The following MGAM2 variants were observed in gnomAD, a reference collection of about 807,000 sequenced individuals.
MGAM2 encodes the protein probable maltase-glucoamylase 2.
MGAM2 carries 98 observed loss-of-function variants against 96.1 expected under a neutral mutation model. The ratio of observed to expected loss-of-function variants is 1.02; its 90% CI spans 0.87 to 1.21. MGAM2 has a LOEUF of 1.21. Among genes scored for constraint, MGAM2 ranks in the 50% most tolerant of loss-of-function variants. The probability of loss-of-function intolerance (pLI) is 0.00; values close to 1 mark genes in which losing one functional copy is unlikely to be tolerated. For missense variants in MGAM2, 2,055 were observed against 1,182.4 expected, an observed-to-expected ratio of 1.74 and a Z score of -10.82; for synonymous variants, 749 against 414.8, an observed-to-expected ratio of 1.81 and a Z score of -9.79.
chr7:142,189,342 G>A (rs1796797231), intron 36 of MGAM2, 25 bp from the exon 37 acceptor site: 1 of 663,842 alleles, frequency 1.5e-6, no homozygotes, highest in Non-Finnish European at 2.7e-6. Flanking sequence ...TGTTGTTTAG[G>A]AAATAACTCA....
intron 3 of MGAM2, among the ~76,000 whole-genome samples, chr7:142,128,372 C>A (rs1380520988): frequency 1.3e-5 from 2 of 152,148 alleles, no homozygotes; most frequent in African/African-American, 4.8e-5. Context: ...AACCCATTTT[C>A]TGAGGAGAAA....
chr7:142,154,906 A>G, intron 17 of MGAM2, 61 bp downstream of exon 17: 1 of 695,740 alleles, frequency 1.4e-6, no homozygotes, highest in Non-Finnish European at 2.6e-6. Flanking sequence ...TGGCTCTTAA[A>G]GGGGATTTGA....
At chr7:142,185,187 T>C (rs755283663) in intron 34 of MGAM2, 48 bp downstream of exon 34, 45 of 693,832 alleles carry the variant, frequency 6.5e-5, no homozygotes, top group East Asian at 2.7e-5. Flanking sequence ...AACATCTGGA[T>C]ATTTACATTT....
Position 142,124,926 on chromosome 7 carries a change from C to T in MGAM2, c.186+4545C>T, listed in dbSNP as rs187048593. Among the ~76,000 whole-genome samples, 672 of 152,016 alleles carry T rather than the reference C, an allele frequency of 4.4e-3. 4 individuals carry two copies. The highest frequency in any genetic ancestry group is 0.016 in the African/African-American group (643 of 41,480). ...AATCTTAAATTTACTTATTAATTGT[C>T]CTAGTTTGTAGACTCTTGTTTTTTT... On this transcript the variant is annotated intron_variant, in intron 3 of 47. Coordinates refer to ENST00000477922, the MANE Select transcript of MGAM2 (RefSeq NM_001293626.2).
chr7:142,194,417 A>G (rs1289338998), intron 37 of MGAM2, among the ~76,000 whole-genome samples: 4 of 152,014 alleles, frequency 2.6e-5, no homozygotes. Context: ...TCCTGCTTTC[A>G]GTTGGTGACT....
At chr7:142,174,089 G>C (rs1452664985) in intron 31 of MGAM2, among the ~76,000 whole-genome samples, 1 of 152,164 alleles carries the variant, frequency 6.6e-6, no homozygotes, top group Non-Finnish European at 1.5e-5. Context: ...TAGCCCTGTA[G>C]CATAGTTTAA....
intron 37 of MGAM2, among the ~76,000 whole-genome samples, chr7:142,191,183 C>T (rs775174980): frequency 3.3e-4 from 50 of 152,040 alleles, no homozygotes; most frequent in Non-Finnish European, 6.6e-4. Flanking sequence ...ATTCTAAATT[C>T]AAGCTTCTCA....
At chr7:142,205,075 A>G (rs1283386434) in intron 45 of MGAM2, among the ~76,000 whole-genome samples, 3 of 152,172 alleles carry the variant, frequency 2.0e-5, no homozygotes, top group African/African-American at 7.2e-5. Context: ...GCAAGGAATG[A>G]TAATAAAAGG....
In MGAM2 at chr7:142,183,305, T is replaced by C; in HGVS notation, c.3856T>C (p.Phe1286Leu). 1 of 703,564 alleles carries C rather than the reference T, an allele frequency of 1.4e-6. No individual in the cohort carries two copies. Among genetic ancestry groups the C allele is most frequent in the South Asian group, 1.5e-5 (1 of 67,590 alleles). 43.6% of individuals were successfully genotyped at this position (703,564 alleles called of 1,614,324 possible). A position where few individuals can be genotyped will look rare whatever the true frequency, so the allele number is the denominator to read the frequency against. The stretch of plus-strand genomic sequence containing the variant: ...TGGCAATGAGACACAGTATCTCCCA[T>C]TCATTAGAGGACAGGAAAATAACGT... ...ISGNETQYLP[F>L]IRGQENNVFI... is the part of the protein sequence containing the mutation. The change falls in exon 33 of 48, where the codon TTC becomes CTC. Residue 1286 changes from phenylalanine to leucine, a missense_variant. Transcript: ENST00000477922.
At position 142,134,024 on chromosome 7, in the gene MGAM2, C is replaced by T. The variant is rs755106064; in HGVS notation, c.619C>T (p.Leu207=). ...GCCCCTCCAGTTTGCCCAGCAGTAC[C>T]TGCAACTGTCTTTCCGACTGCCCAG... ...IGPLQFAQQY[L]QLSFRLPSAN... Residue 207 remains leucine, a synonymous_variant, in exon 7 of 48, where the codon CTG becomes TTG. Coordinates refer to ENST00000477922, the MANE Select transcript of MGAM2 (RefSeq NM_001293626.2). 2 of 739,322 alleles carry T rather than the reference C, an allele frequency of 2.7e-6. No homozygotes were observed. The highest frequency in any genetic ancestry group is 4.9e-6 in the Non-Finnish European group (2 of 404,280). The allele number at this position is 739,322 out of a possible 1,614,324, so 45.8% of individuals were successfully genotyped here.
chr7:142,207,931 G>C (rs1334438195), intron 45 of MGAM2, among the ~76,000 whole-genome samples: 3 of 152,168 alleles, frequency 2.0e-5, no homozygotes, highest in Non-Finnish European at 4.4e-5. Flanking sequence ...GGAGCACTGT[G>C]GGAGGATGAG....
chr7:142,163,074 A>G (rs1186813971), intron 23 of MGAM2, among the ~76,000 whole-genome samples: 4 of 152,170 alleles, frequency 2.6e-5, no homozygotes, highest in Admixed American at 2.0e-4. Context: ...TTCATTCAGC[A>G]TAGTTCCCTC....
In MGAM2 at chr7:142,197,631, T is replaced by C. The variant is rs1405528410; in HGVS notation, c.4782-13T>C. 2 of 702,898 alleles carry C rather than the reference T, an allele frequency of 2.8e-6. No homozygotes were observed. The highest frequency in any genetic ancestry group is 5.2e-6 in the Non-Finnish European group (2 of 385,010). The allele number at this position is 702,898 out of a possible 1,614,324, so 43.5% of individuals were successfully genotyped here. A position where few individuals can be genotyped will look rare whatever the true frequency, so the allele number is the denominator to read the frequency against. On this transcript the variant is annotated splice_polypyrimidine_tract_variant and intron_variant, in intron 41 of 47. Coordinates refer to ENST00000477922, the MANE Select transcript of MGAM2 (RefSeq NM_001293626.2). The stretch of plus-strand genomic sequence containing the variant: ...AAGAGGATAGGTGAATTTTTCCTGT[T>C]TATTTTTTTAAGGTTTACGGATGAC...
Position 142,131,620 on chromosome 7 carries a change from A to G in MGAM2, c.413A>G (p.His138Arg). The change falls in exon 5 of 48, where the codon CAT (histidine) becomes CGT (arginine). Residue 138 changes from histidine to arginine, a missense_variant. Physicochemically the swap from His to Arg is conservative, Grantham distance 29. Coordinates refer to ENST00000477922, the MANE Select transcript of MGAM2 (RefSeq NM_001293626.2). Reference sequence around the variant, plus strand: ...GAATATCAGACATCCAATCGGTTTCATTTTAAGGTTGGTTTGGGAGTGACT... The same window carrying G: ...GAATATCAGACATCCAATCGGTTTCGTTTTAAGGTTGGTTTGGGAGTGACT... Reference protein sequence around the residue: ...TAEYQTSNRFHFKITDFNNIR... With the variant: ...TAEYQTSNRFRFKITDFNNIR... The G allele has an allele frequency of 2.8e-6, 2 of 703,076 alleles. No homozygotes were observed. The highest frequency in any genetic ancestry group is 5.2e-6 in the Non-Finnish European group (2 of 384,998). The allele number at this position is 703,076 out of a possible 1,614,324, so 43.6% of individuals were successfully genotyped here.
chr7:142,126,904 G>T (rs1268976269), intron 3 of MGAM2, among the ~76,000 whole-genome samples: 1 of 151,326 alleles, frequency 6.6e-6, no homozygotes, highest in Non-Finnish European at 1.5e-5. Context: ...AATATAATAA[G>T]AAGTCCCAAA....
chr7:142,134,046 C>T lies in MGAM2; in HGVS notation c.641C>T (p.Pro214Leu), dbSNP rs745598070. ...TACCTGCAACTGTCTTTCCGACTGC[C>T]CAGTGCCAATGTGTATGGGCTGGGA... is the stretch of plus-strand genomic sequence containing the variant. Reference protein sequence around the residue: ...QQYLQLSFRLPSANVYGLGEH... With the variant: ...QQYLQLSFRLLSANVYGLGEH... Residue 214 changes from proline (P) to leucine (L), a missense_variant, in exon 7 of 48, where the codon CCC (proline) becomes CTC (leucine). Physicochemically the swap from Pro to Leu is moderately conservative, Grantham distance 98. Coordinates refer to ENST00000477922, the MANE Select transcript of MGAM2 (RefSeq NM_001293626.2). 2.6e-6 allele frequency: 2 copies of T among 756,306 alleles called. No individual in the cohort carries two copies. The highest frequency in any genetic ancestry group is 2.7e-5 in the South Asian group (2 of 72,990). 46.8% of individuals were successfully genotyped at this position (756,306 alleles called of 1,614,324 possible).
In MGAM2 at chr7:142,164,821, C is replaced by T. The variant is rs1795984764; in HGVS notation, c.2485-35C>T. On this transcript the variant is annotated intron_variant, in intron 23 of 47. Transcript: ENST00000477922. ...TGGGGATAATAAGGGTCTGAAGTAC[C>T]TGGTTTCCAATCTGACTTTTTTTTC... 4 of 659,546 alleles carry T rather than the reference C, an allele frequency of 6.1e-6. No individual in the cohort carries two copies. In the South Asian group the frequency reaches 6.9e-5, roughly 11 times the overall value. The allele number at this position is 659,546 out of a possible 1,614,324, so 40.9% of individuals were successfully genotyped here. A position where few individuals can be genotyped will look rare whatever the true frequency, so the allele number is the denominator to read the frequency against.
chr7:142,196,820 A>G lies in MGAM2; in HGVS notation c.4632+4A>G. ...CCACAACAACATCGGGACAAGGGTG[A>G]GGCAGTAGTTCGTGCTCCAGGTGTT... On this transcript the variant is annotated splice_donor_region_variant and intron_variant, in intron 40 of 47. Coordinates refer to ENST00000477922, the MANE Select transcript of MGAM2 (RefSeq NM_001293626.2). 2.6e-6 allele frequency: 2 copies of G among 777,084 alleles called. No individual in the cohort carries two copies. The highest frequency in any genetic ancestry group is 4.8e-6 in the Non-Finnish European group (2 of 417,106). The allele number at this position is 777,084 out of a possible 1,614,324, so 48.1% of individuals were successfully genotyped here.
At chr7:142,213,545 C>G (rs1442848662) in intron 46 of MGAM2, among the ~76,000 whole-genome samples, 1 of 84,788 alleles carries the variant, frequency 1.2e-5, no homozygotes, top group Non-Finnish European at 2.7e-5. Context: ...CTATAAACAC[C>G]TCTATGCAAA....
Sources: allele counts gnomAD v4.1 joint callset (sites outside exome capture counted in the v4.1 genomes callset), GRCh38; gene constraint gnomAD v4.1.1; transcripts MANE v1.5; gene names NCBI Gene and HGNC (gene_info 2026-07-23, HGNC 2026-07-21).